The following SYT9 variants were observed in gnomAD, a reference collection of about 807,000 sequenced individuals.
The protein encoded by SYT9 is synaptotagmin 9.
Under a neutral mutation model 48.4 loss-of-function variants are expected in SYT9, and 22 were observed. That is an observed-to-expected ratio of 0.45 (90% CI 0.32 to 0.65). SYT9 has a LOEUF of 0.65. Ranked by LOEUF, SYT9 falls within the 30% of genes least tolerant of loss-of-function variation. The probability of loss-of-function intolerance (pLI) is 0.03; values close to 1 mark genes in which losing one functional copy is unlikely to be tolerated. For missense variants in SYT9, 577 were observed against 622.0 expected (o/e 0.93, Z 0.77); for synonymous variants, 265 against 245.0 (o/e 1.08, Z -0.76).
intron 1 of SYT9, among the ~76,000 whole-genome samples, chr11:7,277,327 A>C (rs1848415371): frequency 6.6e-6 from 1 of 152,202 alleles, no homozygotes; most frequent in Admixed American, 6.5e-5. Context: ...CAAAATCTGA[A>C]AAATATTAGT....
intron 1 of SYT9, among the ~76,000 whole-genome samples, chr11:7,294,285 G>A (rs1589920943): frequency 6.6e-6 from 1 of 152,230 alleles, no homozygotes; most frequent in East Asian, 1.9e-4. Flanking sequence ...TCCACTGCTA[G>A]CCACCCAAAA....
chr11:7,325,648 T>C (rs1178447517), intron 3 of SYT9, among the ~76,000 whole-genome samples: 3 of 84,244 alleles, frequency 3.6e-5, no homozygotes, highest in South Asian at 1.1e-3. Flanking sequence ...TCCAACACTA[T>C]GTTGAATAGG....
intron 1 of SYT9, among the ~76,000 whole-genome samples, chr11:7,291,565 C>T (rs1424140839): frequency 1.3e-5 from 2 of 152,164 alleles, no homozygotes; most frequent in African/African-American, 2.4e-5. Context: ...GGGCTCTGCT[C>T]CTTCTTTCAA....
intron 3 of SYT9, among the ~76,000 whole-genome samples, chr11:7,351,802 A>G (rs1461620502): frequency 6.6e-6 from 1 of 152,210 alleles, no homozygotes; most frequent in Non-Finnish European, 1.5e-5. Flanking sequence ...TACAGACATC[A>G]CCAGGAGTGT....
At chr11:7,338,389 AG>A (rs1481907272) in intron 3 of SYT9, among the ~76,000 whole-genome samples, 1 of 152,070 alleles carries the variant, frequency 6.6e-6, no homozygotes, top group Non-Finnish European at 1.5e-5. Context: ...GTCTTCTGCT[AG>A]TTTAGAGTTG....
Position 7,463,077 on chromosome 11 carries a change from A to T in SYT9, c.1468-3715A>T, listed in dbSNP as rs532583918. ...TCTTCTCTGTTCAGATAGGATTGTA[A>T]CCACTACTTCCTGTTGATACTACTG... On this transcript the variant is annotated intron_variant, in intron 6 of 6. Coordinates refer to ENST00000318881, the MANE Select transcript of SYT9 (RefSeq NM_175733.4). Among the ~76,000 whole-genome samples, 11 of 152,292 alleles carry T rather than the reference A, an allele frequency of 7.2e-5. No homozygotes were observed. The South Asian group carries it at 2.3e-3, about 32-fold the overall frequency.
At chr11:7,385,816 G>A (rs1211136020) in intron 3 of SYT9, among the ~76,000 whole-genome samples, 1 of 152,138 alleles carries the variant, frequency 6.6e-6, no homozygotes, top group African/African-American at 2.4e-5. Flanking sequence ...TTCCTATCCA[G>A]GAGAGCAAAT....
intron 1 of SYT9, among the ~76,000 whole-genome samples, chr11:7,258,120 T>G (rs1307226456): frequency 1.3e-5 from 2 of 152,216 alleles, no homozygotes; most frequent in Non-Finnish European, 2.9e-5. Flanking sequence ...ATGTTTGTGC[T>G]GCAAGTGCAA....
intron 3 of SYT9, among the ~76,000 whole-genome samples, chr11:7,395,803 C>G (rs1196727548): frequency 6.6e-6 from 1 of 151,874 alleles, no homozygotes; most frequent in African/African-American, 2.4e-5. Context: ...TCCTGTCACT[C>G]TATGTCATTT....
rs576110431 is a variant in SYT9 at position 7,403,225 on chromosome 11, A to G, written c.1045-12817A>G. ...TTTAATTCAGGTCAAAATACTTTCT[A>G]GTTTTCCTTTGGATTTCTTCTTTGA... On this transcript the variant is annotated intron_variant, in intron 3 of 6. Transcript: ENST00000318881. Among the ~76,000 whole-genome samples, 13 of 152,216 alleles carry G rather than the reference A, an allele frequency of 8.5e-5. No individual in the cohort carries two copies. In the South Asian group the frequency reaches 2.7e-3, roughly 32 times the overall value.
chr11:7,465,061 C>A (rs1848307827), intron 6 of SYT9, among the ~76,000 whole-genome samples: 1 of 152,050 alleles, frequency 6.6e-6, no homozygotes, highest in Admixed American at 6.5e-5. Flanking sequence ...GCACTCCAGC[C>A]TGGGGACAGA....
At chr11:7,446,728 G>T (rs1339011979) in intron 6 of SYT9, among the ~76,000 whole-genome samples, 1 of 152,224 alleles carries the variant, frequency 6.6e-6, no homozygotes, top group Non-Finnish European at 1.5e-5. Context: ...CTCTCCAGAG[G>T]CGGAAGACCA....
At chr11:7,346,349 G>A (rs937764791) in intron 3 of SYT9, among the ~76,000 whole-genome samples, 1 of 152,204 alleles carries the variant, frequency 6.6e-6, no homozygotes, top group Admixed American at 6.5e-5. Context: ...AGCAGAGGGG[G>A]TTCCTGTGGC....
chr11:7,344,200 G>T (rs2133993701), intron 3 of SYT9, among the ~76,000 whole-genome samples: 1 of 152,242 alleles, frequency 6.6e-6, no homozygotes, highest in East Asian at 1.9e-4. Flanking sequence ...CCAGGAGGAG[G>T]CATGCAGCCC....
chr11:7,468,232 T>A lies in SYT9; in HGVS notation c.*1432T>A. ...CTCTGTTTGAATTAACATTTCAGCA[T>A]GGAACTAACTGGGCGGAGGAAGGAT... On this transcript the variant is annotated 3_prime_UTR_variant, in exon 7 of 7. Transcript: ENST00000318881. 2.5e-6 allele frequency: 1 copy of A among 398,658 alleles called. No individual in the cohort carries two copies. The highest frequency in any genetic ancestry group is 4.4e-6 in the Non-Finnish European group (1 of 226,066). 24.7% of individuals were successfully genotyped at this position (398,658 alleles called of 1,614,324 possible). A position where few individuals can be genotyped will look rare whatever the true frequency, so the allele number is the denominator to read the frequency against.
At chr11:7,315,404 G>T (rs192350916) in intron 3 of SYT9, among the ~76,000 whole-genome samples, 2 of 152,162 alleles carry the variant, frequency 1.3e-5, no homozygotes, top group African/African-American at 4.8e-5. Context: ...CCCCCACTGG[G>T]GTATTTACTA....
At chr11:7,287,809 T>A (rs1220031479) in intron 1 of SYT9, among the ~76,000 whole-genome samples, 1 of 152,246 alleles carries the variant, frequency 6.6e-6, no homozygotes, top group Non-Finnish European at 1.5e-5. Context: ...AATGGCTCTC[T>A]TCTAGCTTGT....
chr11:7,267,733 C>G (rs890050900), intron 1 of SYT9, among the ~76,000 whole-genome samples: 1 of 151,284 alleles, frequency 6.6e-6, no homozygotes, highest in Admixed American at 6.6e-5. Context: ...ATCAATAAAA[C>G]CAAAAGAAGA....
At chr11:7,300,634 T>C (rs1271464420) in intron 1 of SYT9, among the ~76,000 whole-genome samples, 1 of 152,240 alleles carries the variant, frequency 6.6e-6, no homozygotes, top group Non-Finnish European at 1.5e-5. Flanking sequence ...TAACAGAATG[T>C]AGAGAAGAAG....
Sources: gnomAD v4.1 joint callset for allele counts (sites outside exome capture counted in the v4.1 genomes callset) on GRCh38, gnomAD v4.1.1 for gene constraint, MANE v1.5 for transcripts, NCBI Gene and HGNC (gene_info 2026-07-23, HGNC 2026-07-21) for gene names.